The following RBFOX3 variants were observed in gnomAD, a reference collection of about 807,000 sequenced individuals.
RBFOX3 encodes the protein RNA binding fox-1 homolog 3, also known as RNA binding protein fox-1 homolog 3.
Under a neutral mutation model 48.7 loss-of-function variants are expected in RBFOX3, and 17 were observed. That is an observed-to-expected ratio of 0.35 (90% confidence interval 0.24 to 0.52). The LOEUF (loss-of-function observed/expected upper bound fraction) is 0.52. RBFOX3 is among the 20% of genes least tolerant of loss of function. The pLI is 0.94. For missense variants in RBFOX3, 382 were observed against 497.5 expected, an observed-to-expected ratio of 0.77 and a Z score of 2.21; for synonymous variants, 212 against 209.5, an observed-to-expected ratio of 1.01 and a Z score of -0.10.
At chr17:79,540,705 GC>G (rs1478764096) in intron 1 of RBFOX3, among the ~76,000 whole-genome samples, 2 of 152,214 alleles carry the variant, frequency 1.3e-5, no homozygotes, top group Non-Finnish European at 2.9e-5. Context: ...AGCCGGTGTG[GC>G]CTCCGCCAGG....
chr17:79,481,826 G>A lies in RBFOX3; in HGVS notation c.-175+628C>T, dbSNP rs2078820256. Among the ~76,000 whole-genome samples the A allele has an allele frequency of 6.6e-6, 1 of 152,168 alleles. No homozygotes were observed. The highest frequency in any genetic ancestry group is 6.5e-5 in the Admixed American group (1 of 15,274). On this transcript the variant is annotated intron_variant, in intron 2 of 14. Transcript: ENST00000693108. This position sits in a 1 kb window ranked among gnomAD's most constrained non-coding sequence, Gnocchi z 5.4. ...AACTGTAGCAAATTATCAAAACTGAGGGGTCCTGGGAACCTCTGAATTTGC... is the reference window on the plus strand; with the variant it reads ...AACTGTAGCAAATTATCAAAACTGAAGGGTCCTGGGAACCTCTGAATTTGC...
At chr17:79,360,273 G>T (rs1029292951) in intron 2 of RBFOX3, among the ~76,000 whole-genome samples, 12 of 152,244 alleles carry the variant, frequency 7.9e-5, no homozygotes, top group Admixed American at 6.5e-4. Context: ...CAAAGCGAGG[G>T]TGCAGCAGTG....
At chr17:79,138,646 C>CAT (rs2040860517) in intron 4 of RBFOX3, among the ~76,000 whole-genome samples, 1 of 86,286 alleles carries the variant, frequency 1.2e-5, no homozygotes, top group Admixed American at 1.4e-4. Flanking sequence ...CACCCACACA[C>CAT]GCACATACAC....
At chr17:79,590,101 G>C (rs1396881362) in intron 1 of RBFOX3, among the ~76,000 whole-genome samples, 2 of 152,036 alleles carry the variant, frequency 1.3e-5, no homozygotes, top group Non-Finnish European at 2.9e-5. Flanking sequence ...GTGCTGCTCA[G>C]TGTGCCTTGG....
At chr17:79,303,442 G>A (rs994752803) in intron 3 of RBFOX3, among the ~76,000 whole-genome samples, 1 of 152,082 alleles carries the variant, frequency 6.6e-6, no homozygotes. Flanking sequence ...TCACCACCTT[G>A]TGCCCCCTCA....
intron 11 of RBFOX3, 101 bp downstream of exon 11, chr17:79,097,191 G>C (rs1219404071): frequency 9.5e-7 from 1 of 1,049,184 alleles, no homozygotes; most frequent in East Asian, 3.0e-5. Context: ...CCCAGGTCTG[G>C]AAAGGCTGCC....
chr17:79,652,061 G>A, the RBFOX3 span, among the ~76,000 whole-genome samples: 1 of 151,842 alleles, frequency 6.6e-6, no homozygotes, highest in Non-Finnish European at 1.5e-5. Context: ...CACACCCCAA[G>A]CCAGAACCAC....
chr17:79,222,629 C>T (rs184176911), intron 4 of RBFOX3, among the ~76,000 whole-genome samples: 235 of 152,328 alleles, frequency 1.5e-3, no homozygotes, highest in Non-Finnish European at 2.6e-3. Context: ...GCTCACAGGA[C>T]GACAATGCCC....
chr17:79,301,826 C>G (rs1179540827), intron 3 of RBFOX3, among the ~76,000 whole-genome samples: 1 of 152,196 alleles, frequency 6.6e-6, no homozygotes, highest in Admixed American at 6.5e-5. Flanking sequence ...CCCCGAAGAT[C>G]TTATGCTGAG....
In RBFOX3 at chr17:79,362,195, C is replaced by T. The variant is rs112457297; in HGVS notation, c.-174-54371G>A. On this transcript the variant is annotated intron_variant, in intron 2 of 14. Transcript: ENST00000693108. This position sits in a 1 kb window ranked among gnomAD's most constrained non-coding sequence, Gnocchi z 4.2. ...ACAGAGTTTGCCTCCTGCCTCACACCGGGGTCTTTCAGCCTGAGGTGAGCG... is the reference window on the plus strand; with the variant it reads ...ACAGAGTTTGCCTCCTGCCTCACACTGGGGTCTTTCAGCCTGAGGTGAGCG... Among the ~76,000 whole-genome samples, 18 of 152,352 alleles carry T rather than the reference C, an allele frequency of 1.2e-4. No homozygotes were observed. In the East Asian group the frequency reaches 2.7e-3, roughly 23 times the overall value.
At chr17:79,278,770 G>A (rs1015797282) in intron 3 of RBFOX3, among the ~76,000 whole-genome samples, 3 of 152,242 alleles carry the variant, frequency 2.0e-5, no homozygotes, top group African/African-American at 4.8e-5. Context: ...GTGGCCCATC[G>A]TCAGCTTAGT....
intron 2 of RBFOX3, among the ~76,000 whole-genome samples, chr17:79,374,888 C>CGGAA (rs2059024505): frequency 6.6e-6 from 1 of 152,158 alleles, no homozygotes; most frequent in African/African-American, 2.4e-5. Context: ...AGGCAACATC[C>CGGAA]ACAGCCCTTG....
chr17:79,392,426 C>T lies in RBFOX3; in HGVS notation c.-174-84602G>A, dbSNP rs570974155. Among the ~76,000 whole-genome samples the T allele has an allele frequency of 1.1e-4, 16 of 152,256 alleles. No homozygotes were observed. In the South Asian group the frequency reaches 2.3e-3, roughly 22 times the overall value. The stretch of plus-strand genomic sequence containing the variant: ...CTCACACGGTAGTGAGCGCAGGGCC[C>T]GGCCACTCACAGGTGCATGGTAATG... On this transcript the variant is annotated intron_variant, in intron 2 of 14. Coordinates refer to ENST00000693108, the MANE Select transcript of RBFOX3 (RefSeq NM_001350451.2). The surrounding 1 kb of genome is among the most constrained non-coding windows in gnomAD (Gnocchi z 5.0).
chr17:79,656,807 A>AAGGAAGGAAGG, the RBFOX3 span, among the ~76,000 whole-genome samples: 5 of 24,450 alleles, frequency 2.0e-4, no homozygotes, highest in Admixed American at 4.8e-4. Context: ...AGAAAGAAAG[A>AAGGAAGGAAGG]AAAGAAAGAG....
chr17:79,430,039 TG>T (rs1230790917), intron 2 of RBFOX3, among the ~76,000 whole-genome samples: 2 of 152,152 alleles, frequency 1.3e-5, no homozygotes, highest in Non-Finnish European at 2.9e-5. Flanking sequence ...TGGGGGAGCC[TG>T]GTGCTTCACC....
At chr17:79,163,110 A>T (rs2047297385) in intron 4 of RBFOX3, among the ~76,000 whole-genome samples, 1 of 152,152 alleles carries the variant, frequency 6.6e-6, no homozygotes. Context: ...GGGGGAGAAA[A>T]GCAACTTCTG....
intron 2 of RBFOX3, among the ~76,000 whole-genome samples, chr17:79,403,580 G>A (rs1352863505): frequency 6.6e-6 from 1 of 152,202 alleles, no homozygotes; most frequent in Non-Finnish European, 1.5e-5. Context: ...GCCACTGAGG[G>A]CTGTGCTGTG....
intron 1 of RBFOX3, among the ~76,000 whole-genome samples, chr17:79,487,637 G>C (rs908907916): frequency 6.6e-6 from 1 of 152,106 alleles, no homozygotes; most frequent in Non-Finnish European, 1.5e-5. Context: ...GCATGGAGCT[G>C]GGTAATGTTT....
chr17:79,243,183 C>T lies in RBFOX3; in HGVS notation c.-73-7378G>A, dbSNP rs931599169. ...TTGCCCTAAATGCCACAGCTGGTAG[C>T]GGTTGCAGCTGAGTTTGCGCGAGAC... On this transcript the variant is annotated intron_variant, in intron 3 of 14. Coordinates refer to ENST00000693108, the MANE Select transcript of RBFOX3 (RefSeq NM_001350451.2). This position sits in a 1 kb window ranked among gnomAD's most constrained non-coding sequence, Gnocchi z 7.9. 5.5e-5 allele frequency among the ~76,000 whole-genome samples: 5 copies of T among 90,778 alleles called. No homozygotes were observed. Among genetic ancestry groups the T allele is most frequent in the African/African-American group, 1.5e-4 (4 of 25,866 alleles). 59.6% of individuals were successfully genotyped at this position (90,778 alleles called of 152,430 possible).
Sources: gnomAD v4.1 joint callset for allele counts (sites outside exome capture counted in the v4.1 genomes callset) on GRCh38, gnomAD v4.1.1 for gene constraint, Gnocchi (gnomAD v3.1) non-coding constraint, MANE v1.5 for transcripts, NCBI Gene and HGNC (gene_info 2026-07-23, HGNC 2026-07-21) for gene names.